The following KLHL6 variants were observed in gnomAD, a reference collection of about 807,000 sequenced individuals.
KLHL6 encodes the protein kelch like family member 6.
KLHL6 carries 41 observed loss-of-function variants against 58.6 expected under a neutral mutation model. That is an observed-to-expected ratio of 0.70 (90% CI 0.55 to 0.91). The LOEUF (loss-of-function observed/expected upper bound fraction) is 0.91, where lower values mean the gene tolerates loss of function less well. KLHL6 is among the 40% of genes least tolerant of loss of function. The pLI, the probability that KLHL6 is intolerant of heterozygous loss-of-function variation, is 0.00. For missense variants in KLHL6, 714 were observed against 805.6 expected (o/e 0.89, Z 1.38); for synonymous variants, 338 against 322.7 (o/e 1.05, Z -0.51).
At chr3:183,511,196 G>C (rs1033934957) in intron 2 of KLHL6, among the ~76,000 whole-genome samples, 1 of 152,218 alleles carries the variant, frequency 6.6e-6, no homozygotes, top group African/African-American at 2.4e-5. Context: ...GTGAGCAAAG[G>C]AATCTGTGTC....
chr3:183,491,040 G>A lies in KLHL6; in HGVS notation c.*887C>T, dbSNP rs979292961. On this transcript the variant is annotated 3_prime_UTR_variant, in exon 7 of 7. Coordinates refer to ENST00000341319, the MANE Select transcript of KLHL6 (RefSeq NM_130446.4). ...CAGGAAACACCTTTATTTCCCTGCT[G>A]TGCTGAGTGAATCTTTTAGCAGACT... The A allele has an allele frequency of 6.6e-6, 1 of 152,250 alleles. No homozygotes were observed. The highest frequency in any genetic ancestry group is 1.5e-5 in the Non-Finnish European group (1 of 68,058). 9.4% of individuals were successfully genotyped at this position (152,250 alleles called of 1,614,324 possible).
chr3:183,511,510 C>T (rs147007262), intron 2 of KLHL6, among the ~76,000 whole-genome samples: 2,634 of 152,272 alleles, frequency 0.017, 74 homozygotes, highest in African/African-American at 0.059. Context: ...TCACGGGTGT[C>T]GGGCTGGGGG....
intron 1 of KLHL6, among the ~76,000 whole-genome samples, chr3:183,549,668 C>T (rs1419708198): frequency 6.6e-6 from 1 of 152,164 alleles, no homozygotes; most frequent in Non-Finnish European, 1.5e-5. Flanking sequence ...GCCACCACGC[C>T]CAGCTAATTT....
At chr3:183,516,112 T>C (rs1048386156) in intron 2 of KLHL6, among the ~76,000 whole-genome samples, 2 of 152,168 alleles carry the variant, frequency 1.3e-5, no homozygotes, top group African/African-American at 4.8e-5. Flanking sequence ...GCTAACAAAA[T>C]GCCAGGAGAG....
intron 1 of KLHL6, among the ~76,000 whole-genome samples, chr3:183,531,137 A>G (rs1196935340): frequency 1.3e-5 from 2 of 151,940 alleles, no homozygotes; most frequent in East Asian, 3.9e-4. Context: ...CCCAGCCCTC[A>G]CTATTCTTCC....
rs779586577 is a variant in KLHL6, at chr3:183,492,180, C to T, written c.1613G>A (p.Trp538Ter). The T allele has an allele frequency of 6.2e-7, 1 of 1,612,774 alleles. No homozygotes were observed. Among genetic ancestry groups the T allele is most frequent in the South Asian group, 1.1e-5 (1 of 90,998 alleles). Residue 538 changes from tryptophan (W) to a stop codon, truncating the protein, a stop_gained, in exon 7 of 7, where the codon TGG becomes TAG. Coordinates refer to ENST00000341319, the MANE Select transcript of KLHL6 (RefSeq NM_130446.4). LOFTEE classifies it high-confidence loss of function. The surrounding 1 kb of genome is among the most constrained non-coding windows in gnomAD (Gnocchi z 5.9). Reference sequence around the variant, plus strand: ...GTGGCTGAGCTGGGTCACCAGGCACCAGCTGTCTTCCAGCGGGCTGTAGGC... The same window carrying T: ...GTGGCTGAGCTGGGTCACCAGGCACTAGCTGTCTTCCAGCGGGCTGTAGGC... ...LYAYSPLEDSWCLVTQLSHER... is the reference protein window; with the variant it reads ...LYAYSPLEDS
intron 4 of KLHL6, among the ~76,000 whole-genome samples, chr3:183,498,982 C>A (rs1050098901): frequency 6.6e-6 from 1 of 152,230 alleles, no homozygotes; most frequent in African/African-American, 2.4e-5. Flanking sequence ...AAACCCTTAC[C>A]ACTTTCCCTC....
intron 1 of KLHL6, among the ~76,000 whole-genome samples, chr3:183,548,020 G>A (rs1439800419): frequency 6.6e-6 from 1 of 152,182 alleles, no homozygotes; most frequent in East Asian, 1.9e-4. Flanking sequence ...GATACTGTTG[G>A]AACATTCATT....
intron 1 of KLHL6, among the ~76,000 whole-genome samples, chr3:183,537,302 T>G (rs921253349): frequency 6.6e-6 from 1 of 152,096 alleles, no homozygotes; most frequent in Non-Finnish European, 1.5e-5. Flanking sequence ...CAGCAGGAGT[T>G]CAAGGCCTTT....
chr3:183,514,066 C>T (rs1718262305), intron 2 of KLHL6, among the ~76,000 whole-genome samples: 1 of 152,214 alleles, frequency 6.6e-6, no homozygotes, highest in African/African-American at 2.4e-5. Flanking sequence ...TTTTTTATGG[C>T]TGCGAGCATC....
At chr3:183,507,401 C>T (rs1351017618) in intron 3 of KLHL6, among the ~76,000 whole-genome samples, 2 of 151,960 alleles carry the variant, frequency 1.3e-5, no homozygotes, top group Admixed American at 6.6e-5. Context: ...AGACAGGGCA[C>T]GTTCTTGTTT....
At chr3:183,541,447 C>T (rs142905135) in intron 1 of KLHL6, among the ~76,000 whole-genome samples, 8 of 152,326 alleles carry the variant, frequency 5.3e-5, no homozygotes, top group East Asian at 1.9e-4. Context: ...TAAAATCCAG[C>T]GCCCCCTACA....
At chr3:183,514,362 T>C (rs4859200) in intron 2 of KLHL6, among the ~76,000 whole-genome samples, 146,788 of 152,124 alleles carry the variant, frequency 0.96, 70,844 homozygotes, top group East Asian at 1. Context: ...TAGCCACAAT[T>C]GCACCCATCT....
At chr3:183,539,980 G>T (rs1712499192) in intron 1 of KLHL6, among the ~76,000 whole-genome samples, 1 of 152,188 alleles carries the variant, frequency 6.6e-6, no homozygotes, top group Non-Finnish European at 1.5e-5. Context: ...CTTGTGGTCA[G>T]GCTTTAGTGA....
intron 4 of KLHL6, among the ~76,000 whole-genome samples, chr3:183,497,290 T>C (rs1717740450): frequency 6.6e-6 from 1 of 152,200 alleles, no homozygotes; most frequent in Non-Finnish European, 1.5e-5. Flanking sequence ...CATGTGCCTG[T>C]AGTCCCAGCT....
In KLHL6 at chr3:183,536,690, C is replaced by G. The variant is rs572687315; in HGVS notation, c.294-8680G>C. The stretch of plus-strand genomic sequence containing the variant: ...ACCTGGCACCTCGTCAGCACTCAAT[C>G]AGGGAAAGTATTTTGGACCAAATCA... On this transcript the variant is annotated intron_variant, in intron 1 of 6. Transcript: ENST00000341319. 1.1e-4 allele frequency among the ~76,000 whole-genome samples: 17 copies of G among 152,318 alleles called. No homozygotes were observed. In the South Asian group the frequency reaches 3.5e-3, roughly 32 times the overall value.
At chr3:183,508,643 T>C in intron 2 of KLHL6, 135 bp from the exon 3 acceptor site, 2 of 674,292 alleles carry the variant, frequency 3.0e-6, no homozygotes, top group Non-Finnish European at 5.0e-6. Flanking sequence ...GCTAAATACA[T>C]ATAATTCATT....
intron 1 of KLHL6, among the ~76,000 whole-genome samples, chr3:183,541,497 A>G (rs755472703): frequency 6.6e-6 from 1 of 152,190 alleles, no homozygotes; most frequent in Non-Finnish European, 1.5e-5. Flanking sequence ...TGCAACCCCC[A>G]GAAAGGGGCC....
chr3:183,525,768 A>G (rs2108684154), intron 2 of KLHL6, among the ~76,000 whole-genome samples: 1 of 152,370 alleles, frequency 6.6e-6, no homozygotes, highest in African/African-American at 2.4e-5. Flanking sequence ...TAGTTTCCAC[A>G]CGCAGACCTG....
Sources: gnomAD v4.1 joint callset for allele counts (sites outside exome capture counted in the v4.1 genomes callset) on GRCh38, gnomAD v4.1.1 for gene constraint, Gnocchi (gnomAD v3.1) non-coding constraint, MANE v1.5 for transcripts, NCBI Gene and HGNC (gene_info 2026-07-23, HGNC 2026-07-21) for gene names.